The following NLGN4X variants were observed in gnomAD, a reference collection of about 807,000 sequenced individuals.
The protein encoded by NLGN4X is neuroligin 4 X-linked.
NLGN4X carries 3 observed loss-of-function variants against 40.3 expected under a neutral mutation model. That is an observed-to-expected ratio of 0.07 (90% CI 0.03 to 0.19). The LOEUF (loss-of-function observed/expected upper bound fraction) is 0.19. Among genes scored for constraint, NLGN4X ranks in the 10% least tolerant of loss-of-function variants. The probability of loss-of-function intolerance (pLI) is 1.00; values close to 1 mark genes in which losing one functional copy is unlikely to be tolerated. For missense variants in NLGN4X, 382 were observed against 708.3 expected (o/e 0.54, Z 5.23); for synonymous variants, 270 against 306.8 (o/e 0.88, Z 1.25).
chrX:6,095,098 CGTGCGT>C (rs1447984709), intron 2 of NLGN4X, among the ~76,000 whole-genome samples: 4 of 22,259 alleles, frequency 1.8e-4, no homozygotes, highest in African/African-American at 5.8e-4. Flanking sequence ...TAAGTACGTG[CGTGCGT>C]GTGTGTGTGT....
chrX:6,189,571 CTCAT>C (rs1435897116), intron 1 of NLGN4X, among the ~76,000 whole-genome samples: 2 of 112,114 alleles, frequency 1.8e-5, no homozygotes, highest in African/African-American at 6.5e-5. Flanking sequence ...TCATTTCCTT[CTCAT>C]GATTGTGCAC....
At chrX:6,196,546 T>C (rs1160019097) in intron 1 of NLGN4X, among the ~76,000 whole-genome samples, 5 of 28,928 alleles carry the variant, frequency 1.7e-4, no homozygotes, top group African/African-American at 4.1e-4. Context: ...AGCGAGACTC[T>C]GTCTCAAAAA....
chrX:5,960,834 T>C (rs749524413), intron 3 of NLGN4X, among the ~76,000 whole-genome samples: 2 of 111,449 alleles, frequency 1.8e-5, no homozygotes, highest in Admixed American at 1.9e-4. Context: ...AATTAGTTCA[T>C]TTTTAGGGCA....
At chrX:6,010,670 A>G (rs2036230465) in intron 3 of NLGN4X, among the ~76,000 whole-genome samples, 1 of 109,038 alleles carries the variant, frequency 9.2e-6, no homozygotes, top group African/African-American at 3.3e-5. Context: ...CTGGGATTAC[A>G]TGTTTGTGAG....
At chrX:6,146,081 C>T (rs1351985809) in intron 2 of NLGN4X, among the ~76,000 whole-genome samples, 1 of 106,005 alleles carries the variant, frequency 9.4e-6, no homozygotes, top group Non-Finnish European at 1.9e-5. Flanking sequence ...CACCATTGTA[C>T]TTCACCCTGG....
rs778047281 is a variant in NLGN4X at position 6,125,609 on chromosome X, AAAAC to A, written c.472+25382_472+25385del. Among the ~76,000 whole-genome samples the A allele has an allele frequency of 3.0e-3, 332 of 111,632 alleles. 2 individuals are homozygous for A. Among genetic ancestry groups the A allele is most frequent in the African/African-American group, 0.01 (309 of 30,887 alleles). On this transcript the variant is annotated intron_variant, in intron 2 of 5. Coordinates refer to ENST00000381095, the MANE Select transcript of NLGN4X (RefSeq NM_181332.3). The stretch of plus-strand genomic sequence containing the variant: ...AAAGAAATTGAAATATTTGAGGAAA[AAAAC>A]AAACAAAGCAACTTTACGCAAAGAA...
At chrX:6,183,332 G>C (rs775766357) in intron 1 of NLGN4X, among the ~76,000 whole-genome samples, 1 of 111,756 alleles carries the variant, frequency 8.9e-6, no homozygotes, top group African/African-American at 3.2e-5. Flanking sequence ...CAGATCACGA[G>C]GTCAGGAGAT....
At chrX:5,936,101 T>C (rs184222702) in intron 3 of NLGN4X, among the ~76,000 whole-genome samples, 44 of 112,021 alleles carry the variant, frequency 3.9e-4, no homozygotes, top group Non-Finnish European at 4.9e-4. Flanking sequence ...ATCCATGTTA[T>C]GAAACATTAT....
At chrX:5,997,296 C>G (rs982456068) in intron 3 of NLGN4X, among the ~76,000 whole-genome samples, 20 of 105,744 alleles carry the variant, frequency 1.9e-4, no homozygotes, top group Non-Finnish European at 3.5e-4. Flanking sequence ...TTTATAAACT[C>G]AGAAGAGTTA....
At chrX:6,088,904 G>T (rs2038566467) in intron 2 of NLGN4X, among the ~76,000 whole-genome samples, 1 of 111,562 alleles carries the variant, frequency 9.0e-6, no homozygotes, top group Non-Finnish European at 1.9e-5. Flanking sequence ...TCCTTGTCTT[G>T]ACCATTTTTT....
At position 6,168,837 on chromosome X, in the gene NLGN4X, A is replaced by C. The variant is rs1208669045; in HGVS notation, c.-305-17066T>G. ...GCTGGAATACAGTGGCAGGATCACA[A>C]CTCACTGCAGCCTCGACCTTTTGGG... On this transcript the variant is annotated intron_variant, in intron 1 of 5. Transcript: ENST00000381095. 3.6e-5 allele frequency among the ~76,000 whole-genome samples: 4 copies of C among 111,013 alleles called. No homozygotes were observed. In the South Asian group the frequency reaches 1.5e-3, roughly 42 times the overall value.
intron 1 of NLGN4X, among the ~76,000 whole-genome samples, chrX:6,220,248 G>C (rs1182375451): frequency 9.4e-6 from 1 of 106,115 alleles, no homozygotes; most frequent in Non-Finnish European, 2.0e-5. Context: ...TTAGAATAAT[G>C]AGATAACCTT....
At chrX:6,183,286 G>A (rs778800319) in intron 1 of NLGN4X, among the ~76,000 whole-genome samples, 25 of 112,368 alleles carry the variant, frequency 2.2e-4, no homozygotes, top group African/African-American at 6.5e-4. Flanking sequence ...GGTGGCTCAC[G>A]CCTCTAATCC....
At chrX:5,897,865 T>C (rs764324484) in intron 5 of NLGN4X, among the ~76,000 whole-genome samples, 3 of 110,252 alleles carry the variant, frequency 2.7e-5, no homozygotes, top group Admixed American at 9.6e-5. Context: ...TAAGCAAAGA[T>C]CCAATTGTCC....
At position 5,985,091 on chromosome X, in the gene NLGN4X, CTACTGGGTATT is replaced by C. The variant is rs1569169255; in HGVS notation, c.625+44178_625+44188del. Among the ~76,000 whole-genome samples, 3 of 111,827 alleles carry C rather than the reference CTACTGGGTATT, an allele frequency of 2.7e-5. No individual in the cohort carries two copies. In the Admixed American group the frequency reaches 2.9e-4, roughly 11 times the overall value. On this transcript the variant is annotated intron_variant, in intron 3 of 5. Coordinates refer to ENST00000381095, the MANE Select transcript of NLGN4X (RefSeq NM_181332.3). ...TAAACATGGAGCTAAAATACACTGACTACTGGGTATTTTCAGAGAAGTGGAAAATGTATTAA... is the reference window on the plus strand; with the variant it reads ...TAAACATGGAGCTAAAATACACTGACTTCAGAGAAGTGGAAAATGTATTAA...
chrX:5,978,274 TTCTTTCTTTCTTTCTTTC>T (rs2035246937), intron 3 of NLGN4X, among the ~76,000 whole-genome samples: 2 of 1,171 alleles, frequency 1.7e-3, no homozygotes, highest in South Asian at 0.11. Flanking sequence ...GTCTCTTTTT[TTCTTTCTTTCTTTCTTTC>T]TTTCTTTCTT....
rs753267675 is a variant in NLGN4X at position 6,110,966 on chromosome X, G to A, written c.472+40029C>T. ...AAGCTGAAGCCCTTAGAGGTGGTTC[G>A]AGGCGGAAATACCTACTCTGCCCAG... On this transcript the variant is annotated intron_variant, in intron 2 of 5. Coordinates refer to ENST00000381095, the MANE Select transcript of NLGN4X (RefSeq NM_181332.3). 5.4e-5 allele frequency among the ~76,000 whole-genome samples: 6 copies of A among 111,440 alleles called. No individual in the cohort carries two copies. The East Asian group carries it at 8.5e-4, about 16-fold the overall frequency.
At chrX:5,975,162 C>T (rs1035295163) in intron 3 of NLGN4X, among the ~76,000 whole-genome samples, 17 of 111,730 alleles carry the variant, frequency 1.5e-4, no homozygotes, top group African/African-American at 2.3e-4. Context: ...CATGGTTGAC[C>T]GTAGATAACT....
chrX:6,074,736 C>G (rs2038153118), intron 2 of NLGN4X, among the ~76,000 whole-genome samples: 1 of 111,430 alleles, frequency 9.0e-6, no homozygotes, highest in Admixed American at 9.6e-5. Flanking sequence ...GCAATGAAAT[C>G]ATGAGACAAG....
Sources: allele counts gnomAD v4.1 joint callset (sites outside exome capture counted in the v4.1 genomes callset), GRCh38; gene constraint gnomAD v4.1.1; transcripts MANE v1.5; gene names NCBI Gene and HGNC (gene_info 2026-07-23, HGNC 2026-07-21).